TMEM243: variants seen among roughly 807,000 people sequenced by gnomAD.
TMEM243 encodes MDR1 and mitochondrial taxol resistance associated.
In TMEM243, 20 loss-of-function variants were observed where a neutral mutation model predicts 15.0. That is an observed-to-expected ratio of 1.33 (90% CI 0.94 to 1.93). TMEM243 has a LOEUF of 1.93. Among genes scored for constraint, TMEM243 ranks in the 30% most tolerant of loss-of-function variants. The probability of loss-of-function intolerance (pLI) is 0.00; values close to 1 mark genes in which losing one functional copy is unlikely to be tolerated. For synonymous variants in TMEM243, 72 were observed against 52.7 expected (o/e 1.37, Z -1.59); for missense variants, 156 against 142.1 (o/e 1.10, Z -0.50).
chr7:87,213,476 ATAAAC>A (rs941603425), intron 1 of TMEM243, among the ~76,000 whole-genome samples: 2 of 152,246 alleles, frequency 1.3e-5, no homozygotes, highest in African/African-American at 4.8e-5. Flanking sequence ...TCTAGAGGAA[ATAAAC>A]TAAAGCCTGC....
At chr7:87,209,637 C>T (rs1406414437) in intron 1 of TMEM243, among the ~76,000 whole-genome samples, 8 of 91,870 alleles carry the variant, frequency 8.7e-5, no homozygotes, top group African/African-American at 1.7e-4. Context: ...AGATAGAGAG[C>T]GAGAGAGACA....
chr7:87,218,251 CT>C (rs1361533663), intron 1 of TMEM243, among the ~76,000 whole-genome samples: 1 of 152,218 alleles, frequency 6.6e-6, no homozygotes, highest in African/African-American at 2.4e-5. Flanking sequence ...AGGAATGCGT[CT>C]CAAACCAGGA....
rs140353482 is a variant in TMEM243, at chr7:87,219,207, C to T, written c.78+219G>A. 2.7e-3 allele frequency among the ~76,000 whole-genome samples: 412 copies of T among 152,264 alleles called. 2 individuals carry two copies. The highest frequency in any genetic ancestry group is 8.4e-3 in the African/African-American group (351 of 41,544). On this transcript the variant is annotated intron_variant, in intron 1 of 3. Transcript: ENST00000257637. ...TTCCAACAACCCCGAACTTTCTGAA[C>T]TTTTCTCCACTCCAGCCTTCAAGGC...
intron 2 of TMEM243, chr7:87,198,780 A>G (rs750684795): frequency 6.4e-6 from 3 of 469,586 alleles, no homozygotes; most frequent in Non-Finnish European, 1.1e-5. Context: ...TAGGCAAAAC[A>G]TGGTAAACTC....
intron 1 of TMEM243, among the ~76,000 whole-genome samples, chr7:87,216,003 G>T (rs891679712): frequency 5.3e-5 from 8 of 152,114 alleles, no homozygotes; most frequent in Non-Finnish European, 1.0e-4. Context: ...AGGCGTGGTG[G>T]CTCACGCCTG....
At chr7:87,202,860 C>T (rs988142592) in intron 1 of TMEM243, 2 of 152,174 alleles carry the variant, frequency 1.3e-5, no homozygotes, top group African/African-American at 4.8e-5. Flanking sequence ...ATACCTGGTC[C>T]CTTTCAGTTC....
At chr7:87,202,004 C>T (rs1232311047) in intron 1 of TMEM243, among the ~76,000 whole-genome samples, 2 of 152,124 alleles carry the variant, frequency 1.3e-5, no homozygotes, top group Non-Finnish European at 2.9e-5. Context: ...TAGAGATAGT[C>T]TGAATTCATA....
At chr7:87,203,277 A>C (rs766523354) in intron 1 of TMEM243, among the ~76,000 whole-genome samples, 5 of 152,104 alleles carry the variant, frequency 3.3e-5, no homozygotes, top group Non-Finnish European at 2.9e-5. Flanking sequence ...AAATTTCGAA[A>C]AGGCTTTGGG....
chr7:87,218,249 G>A (rs763009176), intron 1 of TMEM243, among the ~76,000 whole-genome samples: 2 of 152,210 alleles, frequency 1.3e-5, no homozygotes, highest in Admixed American at 1.3e-4. Context: ...GGAGGAATGC[G>A]TCTCAAACCA....
At chr7:87,196,821 C>G (rs907562581) in intron 3 of TMEM243, 63 bp from the exon 4 acceptor site, 1 of 1,186,710 alleles carries the variant, frequency 8.4e-7, no homozygotes, top group African/African-American at 1.6e-5. Context: ...CTACCAATTT[C>G]AAATTTCATT....
intron 1 of TMEM243, among the ~76,000 whole-genome samples, chr7:87,217,294 G>A (rs770134637): frequency 1.3e-5 from 2 of 152,214 alleles, no homozygotes; most frequent in Non-Finnish European, 2.9e-5. Context: ...TTCCTGGCAT[G>A]TAAAACAGCA....
intron 1 of TMEM243, among the ~76,000 whole-genome samples, chr7:87,208,999 A>G (rs1237481543): frequency 6.6e-6 from 1 of 152,170 alleles, no homozygotes; most frequent in African/African-American, 2.4e-5. Flanking sequence ...CTACAAACTC[A>G]TGTTTTCTAT....
rs149445270 is a variant in TMEM243 at position 87,210,758 on chromosome 7, G to C, written c.78+8668C>G. ...AGCTGCTTTCACAGGCTGGCGCTGA[G>C]TGTCTGTGGCTTTTCCAGGCATACA... On this transcript the variant is annotated intron_variant, in intron 1 of 3. Transcript: ENST00000257637. Among the ~76,000 whole-genome samples the C allele has an allele frequency of 1.4e-3, 216 of 152,338 alleles. 1 individual carries two copies. Among genetic ancestry groups the C allele is most frequent in the African/African-American group, 4.9e-3 (204 of 41,590 alleles).
chr7:87,207,939 C>T (rs558194379), intron 1 of TMEM243, among the ~76,000 whole-genome samples: 3 of 152,208 alleles, frequency 2.0e-5, no homozygotes, highest in African/African-American at 7.2e-5. Context: ...TGTACTCAGC[C>T]AGAGCTCATG....
chr7:87,202,081 C>G (rs1182041746), intron 1 of TMEM243, among the ~76,000 whole-genome samples: 1 of 152,006 alleles, frequency 6.6e-6, no homozygotes, highest in Non-Finnish European at 1.5e-5. Flanking sequence ...GAGATTTCAC[C>G]TATATCATCT....
chr7:87,209,550 ATG>A (rs1802489000), intron 1 of TMEM243, among the ~76,000 whole-genome samples: 1 of 18,446 alleles, frequency 5.4e-5, no homozygotes, highest in Non-Finnish European at 1.0e-4. Flanking sequence ...GTGAGAGACA[ATG>A]AGAGAGACAA....
intron 1 of TMEM243, among the ~76,000 whole-genome samples, chr7:87,209,630 TAGAGAGCGAGAGAGAC>T (rs1802509054): frequency 4.0e-5 from 2 of 49,828 alleles, no homozygotes; most frequent in East Asian, 6.5e-4. Context: ...GAGACTGAGA[TAGAGAGCGAGAGAGAC>T]AGTGAGAGAC....
Position 87,219,560 on chromosome 7 carries a change from G to A in TMEM243, c.-57C>T. 1 of 1,499,448 alleles carries A rather than the reference G, an allele frequency of 6.7e-7. No homozygotes were observed. Among genetic ancestry groups the A allele is most frequent in the Non-Finnish European group, 9.3e-7 (1 of 1,079,386 alleles). 92.9% of individuals were successfully genotyped at this position (1,499,448 alleles called of 1,614,324 possible). A position where few individuals can be genotyped will look rare whatever the true frequency, so the allele number is the denominator to read the frequency against. On this transcript the variant is annotated 5_prime_UTR_variant, in exon 1 of 4. Coordinates refer to ENST00000257637, the MANE Select transcript of TMEM243 (RefSeq NM_024315.4). ...TAAAAGCAAGACAGCATGACCTCCC[G>A]AGGTCTCAGGTCCACGACTGCAAGC... is the stretch of plus-strand genomic sequence containing the variant.
At position 87,196,481 on chromosome 7, in the gene TMEM243, T is replaced by TCTCCCTTG; in HGVS notation, c.*147_*154dup. On this transcript the variant is annotated 3_prime_UTR_variant, in exon 4 of 4. Coordinates refer to ENST00000257637, the MANE Select transcript of TMEM243 (RefSeq NM_024315.4). ...AAAAAGCAAAGTGATCTAGGATATGTCTCCCTTGCAAGAGGGAATTAACAT... is the reference window on the plus strand; with the variant it reads ...AAAAAGCAAAGTGATCTAGGATATGTCTCCCTTGCTCCCTTGCAAGAGGGAATTAACAT... The TCTCCCTTG allele has an allele frequency of 1.4e-6, 1 of 712,550 alleles. No individual in the cohort carries two copies. The highest frequency in any genetic ancestry group is 2.2e-6 in the Non-Finnish European group (1 of 446,070). 44.1% of individuals were successfully genotyped at this position (712,550 alleles called of 1,614,324 possible).
Sources: allele counts gnomAD v4.1 joint callset (sites outside exome capture counted in the v4.1 genomes callset), GRCh38; gene constraint gnomAD v4.1.1; transcripts MANE v1.5; gene names NCBI Gene and HGNC (gene_info 2026-07-23, HGNC 2026-07-21).